ZNF821: variants seen among roughly 807,000 people sequenced by gnomAD.
ZNF821 encodes zinc finger protein 821.
A neutral mutation model predicts 44.3 loss-of-function variants in ZNF821; 16 were observed. That is an observed-to-expected ratio of 0.36 (90% CI 0.24 to 0.55). The LOEUF (loss-of-function observed/expected upper bound fraction) is 0.55, where lower values mean the gene tolerates loss of function less well. ZNF821 is among the 20% of genes least tolerant of loss of function. The pLI, the probability that ZNF821 is intolerant of heterozygous loss-of-function variation, is 0.86. For missense variants in ZNF821, 436 were observed against 547.6 expected, an observed-to-expected ratio of 0.80 and a Z score of 2.03; for synonymous variants, 204 against 197.6, an observed-to-expected ratio of 1.03 and a Z score of -0.27.
At chr16:71,875,278 TTTTC>T (rs2142430270) in intron 3 of ZNF821, among the ~76,000 whole-genome samples, 1 of 152,124 alleles carries the variant, frequency 6.6e-6, no homozygotes, top group African/African-American at 2.4e-5. Context: ...TTCCATCTGT[TTTTC>T]TTTTTTTCCT....
At chr16:71,887,913 G>C (rs1430851057), upstream of ZNF821, among the ~76,000 whole-genome samples, 1 of 148,956 alleles carries the variant, frequency 6.7e-6, no homozygotes, top group Admixed American at 6.7e-5. Flanking sequence ...CTGGAGTGCA[G>C]CACAGTGGTA....
At position 71,865,064 on chromosome 16, in the gene ZNF821, T is replaced by C; in HGVS notation, c.167-16A>G. ...TCACTGTCACCTGGAACACACAAAC[T>C]GGTCACTTGTTCTGATTTTTGCATG... On this transcript the variant is annotated splice_polypyrimidine_tract_variant and intron_variant, in intron 4 of 7. Transcript: ENST00000425432. 6.2e-7 allele frequency: 1 copy of C among 1,614,134 alleles called. No homozygotes were observed. Among genetic ancestry groups the C allele is most frequent in the Non-Finnish European group, 8.5e-7 (1 of 1,179,966 alleles).
intron 3 of ZNF821, among the ~76,000 whole-genome samples, chr16:71,878,452 C>T (rs753489093): frequency 2.0e-5 from 3 of 151,744 alleles, no homozygotes; most frequent in Non-Finnish European, 2.9e-5. Context: ...TGGGTGGGAA[C>T]GATTATCTTC....
At chr16:71,891,404 T>C (rs997710944) in intron 1 of ZNF821, 4 of 152,206 alleles carry the variant, frequency 2.6e-5, no homozygotes, top group African/African-American at 9.7e-5. Context: ...AATATTGTGT[T>C]TTTTAATTCC....
At chr16:71,863,393 C>T (rs1029803676) in intron 6 of ZNF821, among the ~76,000 whole-genome samples, 1 of 142,718 alleles carries the variant, frequency 7.0e-6, no homozygotes, top group African/African-American at 2.6e-5. Context: ...AAGCTTGGAG[C>T]AGAATCTCTT....
At chr16:71,879,397 G>C (rs1415318972) in intron 3 of ZNF821, among the ~76,000 whole-genome samples, 3 of 152,000 alleles carry the variant, frequency 2.0e-5, no homozygotes, top group African/African-American at 7.3e-5. Flanking sequence ...ATGGTCTAGA[G>C]GCTTTTCCAT....
At chr16:71,885,865 T>C (rs748645916), upstream of ZNF821, among the ~76,000 whole-genome samples, 1 of 152,250 alleles carries the variant, frequency 6.6e-6, no homozygotes, top group Admixed American at 6.5e-5. Context: ...AATGGAATAT[T>C]ATCATCCAAC....
Position 71,868,003 on chromosome 16 carries a change from G to C in ZNF821, c.75C>G (p.Ala25=). 1 of 1,535,870 alleles carries C rather than the reference G, an allele frequency of 6.5e-7. No individual in the cohort carries two copies. Among genetic ancestry groups the C allele is most frequent in the Non-Finnish European group, 8.7e-7 (1 of 1,146,804 alleles). ...AATCAGTTTTCATCATCGCCTGGCGGGCTTGCTCTTCTAGCCCAGCAAATA... is the reference window on the plus strand; with the variant it reads ...AATCAGTTTTCATCATCGCCTGGCGCGCTTGCTCTTCTAGCCCAGCAAATA... ...DQVFAGLEEQ[A]RQAMMKTDFP... is the part of the protein sequence containing the mutation. Residue 25 remains alanine (A), a synonymous_variant, in exon 4 of 8, where the codon GCC becomes GCG. Transcript: ENST00000425432.
At chr16:71,871,592 T>C (rs1418291280) in intron 3 of ZNF821, among the ~76,000 whole-genome samples, 1 of 152,212 alleles carries the variant, frequency 6.6e-6, no homozygotes, top group Non-Finnish European at 1.5e-5. Flanking sequence ...GAACTGCCTA[T>C]TTTTATAATA....
At chr16:71,863,391 A>C (rs892956770) in intron 6 of ZNF821, among the ~76,000 whole-genome samples, 32 of 145,158 alleles carry the variant, frequency 2.2e-4, no homozygotes, top group African/African-American at 6.9e-4. Flanking sequence ...GGAAGCTTGG[A>C]GCAGAATCTC....
chr16:71,867,210 G>A (rs1480873367), intron 4 of ZNF821, among the ~76,000 whole-genome samples: 1 of 152,202 alleles, frequency 6.6e-6, no homozygotes, highest in East Asian at 1.9e-4. Context: ...TTTCATTAAT[G>A]CCACCCTTAT....
chr16:71,866,694 G>C (rs570393044), intron 4 of ZNF821, among the ~76,000 whole-genome samples: 5 of 152,186 alleles, frequency 3.3e-5, no homozygotes, highest in Non-Finnish European at 5.9e-5. Context: ...TGCAGATATT[G>C]TAATTCCCAC....
intron 4 of ZNF821, 38 bp downstream of exon 4, chr16:71,867,874 C>A: frequency 6.5e-7 from 1 of 1,532,230 alleles, no homozygotes; most frequent in South Asian, 1.2e-5. Flanking sequence ...ATTCTTCTCC[C>A]ATTGCCCTGA....
In ZNF821 at chr16:71,868,314, G is replaced by GT. The variant is rs559420258; in HGVS notation, c.41-278dup. 1.8e-4 allele frequency among the ~76,000 whole-genome samples: 28 copies of GT among 152,308 alleles called. No individual in the cohort carries two copies. In the East Asian group the frequency reaches 3.9e-3, roughly 21 times the overall value. On this transcript the variant is annotated intron_variant, in intron 3 of 7. Transcript: ENST00000425432. The stretch of plus-strand genomic sequence containing the variant: ...GGTGATCAACTGCTACTTCACAAAT[G>GT]TAACTGCAGACTCTCAAATCCATTT...
At chr16:71,872,336 G>A (rs1009327615) in intron 3 of ZNF821, among the ~76,000 whole-genome samples, 41 of 152,080 alleles carry the variant, frequency 2.7e-4, no homozygotes, top group Admixed American at 2.2e-3. Context: ...CAGATAGGCC[G>A]GGCGCGGTGG....
chr16:71,875,579 G>A (rs541998303), intron 3 of ZNF821, among the ~76,000 whole-genome samples: 2 of 151,776 alleles, frequency 1.3e-5, no homozygotes, highest in Admixed American at 1.3e-4. Flanking sequence ...TCAGTCTCCC[G>A]AGTAGCTGGG....
At chr16:71,892,093 G>T (rs2036889146) in intron 1 of ZNF821, among the ~76,000 whole-genome samples, 1 of 127,346 alleles carries the variant, frequency 7.9e-6, no homozygotes, top group Non-Finnish European at 1.6e-5. Context: ...CAGGAGAATC[G>T]CTTTAACCCG....
At chr16:71,880,661 G>A (rs114810587) in intron 2 of ZNF821, among the ~76,000 whole-genome samples, 94 of 152,322 alleles carry the variant, frequency 6.2e-4, no homozygotes, top group African/African-American at 2.2e-3. Flanking sequence ...TAATGTTGAA[G>A]ATGGGCTCTC....
At chr16:71,874,577 C>G (rs991880691) in intron 3 of ZNF821, among the ~76,000 whole-genome samples, 2 of 152,074 alleles carry the variant, frequency 1.3e-5, no homozygotes, top group Non-Finnish European at 2.9e-5. Context: ...CCTCAGCCCC[C>G]CAAGTAGCTA....
Sources: gnomAD v4.1 joint callset for allele counts (sites outside exome capture counted in the v4.1 genomes callset) on GRCh38, gnomAD v4.1.1 for gene constraint, MANE v1.5 for transcripts, NCBI Gene and HGNC (gene_info 2026-07-23, HGNC 2026-07-21) for gene names.